BCR: variants seen among roughly 807,000 people sequenced by gnomAD.
The protein encoded by BCR is breakpoint cluster region protein.
Under a neutral mutation model 138.6 loss-of-function variants are expected in BCR, and 58 were observed. That is an observed-to-expected ratio of 0.42 (90% CI 0.34 to 0.52). BCR has a LOEUF of 0.52. Among genes scored for constraint, BCR ranks in the 20% least tolerant of loss-of-function variants. The probability of loss-of-function intolerance (pLI) is 0.06; values close to 1 mark genes in which losing one functional copy is unlikely to be tolerated. For synonymous variants in BCR, 786 were observed against 730.1 expected (o/e 1.08, Z -1.23); for missense variants, 1,599 against 1,727.2 (o/e 0.93, Z 1.32).
intron 1 of BCR, among the ~76,000 whole-genome samples, chr22:23,230,491 C>G (rs1484721886): frequency 6.6e-6 from 1 of 152,242 alleles, no homozygotes; most frequent in African/African-American, 2.4e-5. Flanking sequence ...TAAGCTGATA[C>G]ACACACTGCG....
In BCR at chr22:23,280,765, G is replaced by A. The variant is rs1244149998; in HGVS notation, c.2116-3212G>A. ...ATTTTAGTTATTCAAGAAGACAGGT[G>A]GCGTTTCTTCCAACTGGTGTTTCCC... On this transcript the variant is annotated intron_variant, in intron 8 of 22. Coordinates refer to ENST00000305877, the MANE Select transcript of BCR (RefSeq NM_004327.4). 2.0e-5 allele frequency among the ~76,000 whole-genome samples: 3 copies of A among 152,228 alleles called. No individual in the cohort carries two copies. The East Asian group carries it at 5.8e-4, about 29-fold the overall frequency.
chr22:23,252,026 G>C (rs1438628347), intron 1 of BCR, among the ~76,000 whole-genome samples: 1 of 152,248 alleles, frequency 6.6e-6, no homozygotes, highest in Non-Finnish European at 1.5e-5. Flanking sequence ...ATTATCTCCA[G>C]GTGCCTCTGG....
At chr22:23,274,743 A>C (rs1468448102) in intron 8 of BCR, among the ~76,000 whole-genome samples, 2 of 151,980 alleles carry the variant, frequency 1.3e-5, no homozygotes, top group African/African-American at 4.8e-5. Context: ...CCCCGTCTCT[A>C]CTAAAAATAC....
intron 2 of BCR, among the ~76,000 whole-genome samples, chr22:23,260,196 A>G (rs982149563): frequency 7.9e-5 from 12 of 152,258 alleles, no homozygotes; most frequent in Non-Finnish European, 1.5e-4. Context: ...ACATCCAACA[A>G]TGTGTCAGCT....
At chr22:23,286,508 A>G (rs748559937) in intron 10 of BCR, among the ~76,000 whole-genome samples, 18 of 152,178 alleles carry the variant, frequency 1.2e-4, no homozygotes, top group Non-Finnish European at 2.2e-4. Flanking sequence ...GTGTCCCCAC[A>G]CAGAGTGGGA....
At chr22:23,248,931 G>A (rs577456931) in intron 1 of BCR, among the ~76,000 whole-genome samples, 8 of 152,316 alleles carry the variant, frequency 5.3e-5, no homozygotes, top group Non-Finnish European at 1.2e-4. Context: ...CTCCCAATTG[G>A]TTCTGGCTCT....
chr22:23,232,076 A>G (rs1256999403), intron 1 of BCR, among the ~76,000 whole-genome samples: 2 of 152,132 alleles, frequency 1.3e-5, no homozygotes, highest in Non-Finnish European at 1.5e-5. Flanking sequence ...GTGATCCTCT[A>G]ATTTTCTGTT....
rs148328878 is a variant in BCR, at chr22:23,186,347, A to G, written c.1279+4108A>G. On this transcript the variant is annotated intron_variant, in intron 1 of 22. Coordinates refer to ENST00000305877, the MANE Select transcript of BCR (RefSeq NM_004327.4). The stretch of plus-strand genomic sequence containing the variant: ...AAAAGTTTGGTAAAATGCACATAAC[A>G]AAAGTTACTGTCTTAACCCTTTTAA... 3.0e-4 allele frequency among the ~76,000 whole-genome samples: 45 copies of G among 152,360 alleles called. 1 individual carries two copies. The East Asian group carries it at 8.3e-3, about 28-fold the overall frequency.
At chr22:23,211,655 T>TTTTTGTTTTG (rs143530091) in intron 1 of BCR, among the ~76,000 whole-genome samples, 1,889 of 151,786 alleles carry the variant, frequency 0.012, 30 homozygotes, top group African/African-American at 0.041. Flanking sequence ...TGGCTAGTTT[T>TTTTTGTTTTG]TTTTGTTTTG....
At chr22:23,301,157 T>C (rs773547950) in intron 16 of BCR, among the ~76,000 whole-genome samples, 4 of 152,214 alleles carry the variant, frequency 2.6e-5, no homozygotes, top group Non-Finnish European at 4.4e-5. Flanking sequence ...CACAAAAAAA[T>C]TAGCCAGGCG....
At position 23,205,633 on chromosome 22, in the gene BCR, G is replaced by C. The variant is rs1228139788; in HGVS notation, c.1279+23394G>C. Among the ~76,000 whole-genome samples the C allele has an allele frequency of 1.2e-3, 176 of 146,038 alleles. 1 individual carries two copies. The highest frequency in any genetic ancestry group is 1.8e-4 in the Non-Finnish European group (12 of 67,420). On this transcript the variant is annotated intron_variant, in intron 1 of 22. Coordinates refer to ENST00000305877, the MANE Select transcript of BCR (RefSeq NM_004327.4). ...AGCTCAGGCAGCAGAGCCAAGATTT[G>C]AACCAATAATTTTTTTTTTTTTTTT...
intron 1 of BCR, among the ~76,000 whole-genome samples, chr22:23,238,088 T>C (rs1274299669): frequency 6.6e-6 from 1 of 151,750 alleles, no homozygotes; most frequent in Non-Finnish European, 1.5e-5. Context: ...CCCCATTTCA[T>C]TGGTGGGAAC....
At chr22:23,200,636 C>T (rs1272516443) in intron 1 of BCR, among the ~76,000 whole-genome samples, 1 of 152,200 alleles carries the variant, frequency 6.6e-6, no homozygotes, top group Admixed American at 6.5e-5. Context: ...TGGCTCACCG[C>T]AGCCTTGACC....
chr22:23,225,652 C>T (rs932221941), intron 1 of BCR, among the ~76,000 whole-genome samples: 4 of 152,200 alleles, frequency 2.6e-5, no homozygotes, highest in Admixed American at 2.6e-4. Flanking sequence ...GAGGTTTATT[C>T]GCAATGCACT....
At chr22:23,238,365 A>G (rs141192068) in intron 1 of BCR, among the ~76,000 whole-genome samples, 2 of 151,882 alleles carry the variant, frequency 1.3e-5, no homozygotes, top group East Asian at 1.9e-4. Context: ...AGACCGTGCC[A>G]CCTCCCGGTC....
intron 1 of BCR, among the ~76,000 whole-genome samples, chr22:23,210,626 C>G (rs2072670461): frequency 1.3e-5 from 2 of 152,122 alleles, no homozygotes; most frequent in Non-Finnish European, 2.9e-5. Context: ...ACTTGCATTA[C>G]CCCTTGTTCC....
intron 2 of BCR, among the ~76,000 whole-genome samples, chr22:23,259,163 G>T (rs1486198372): frequency 6.6e-6 from 1 of 152,258 alleles, no homozygotes; most frequent in East Asian, 1.9e-4. Context: ...TCATGCCTTT[G>T]CTGGGACTGT....
At chr22:23,280,567 C>G (rs1044888761) in intron 8 of BCR, among the ~76,000 whole-genome samples, 10 of 152,266 alleles carry the variant, frequency 6.6e-5, no homozygotes, top group African/African-American at 2.4e-4. Context: ...TCAGAACATA[C>G]CACCAGACTG....
intron 8 of BCR, among the ~76,000 whole-genome samples, chr22:23,277,047 C>T (rs2073586044): frequency 6.6e-6 from 1 of 152,232 alleles, no homozygotes; most frequent in Non-Finnish European, 1.5e-5. Flanking sequence ...GGGCGAGCTC[C>T]CCTGACGACA....
Sources: gnomAD v4.1 joint callset for allele counts (sites outside exome capture counted in the v4.1 genomes callset) on GRCh38, gnomAD v4.1.1 for gene constraint, MANE v1.5 for transcripts, NCBI Gene and HGNC (gene_info 2026-07-23, HGNC 2026-07-21) for gene names.